EEA1: variants seen among roughly 807,000 people sequenced by gnomAD.
EEA1 encodes early endosome antigen 1.
EEA1 carries 111 observed loss-of-function variants against 209.2 expected under a neutral mutation model. That is an observed-to-expected ratio of 0.53 (90% confidence interval 0.45 to 0.62). The LOEUF (loss-of-function observed/expected upper bound fraction) is 0.62. EEA1 is among the 20% of genes least tolerant of loss of function. The pLI is 0.00. For synonymous variants in EEA1, 536 were observed against 540.6 expected, an observed-to-expected ratio of 0.99 and a Z score of 0.12; for missense variants, 1,343 against 1,530.8, an observed-to-expected ratio of 0.88 and a Z score of 2.05.
intron 2 of EEA1, among the ~76,000 whole-genome samples, chr12:92,888,032 GGAGTA>G (rs1879485987): frequency 6.6e-6 from 1 of 152,048 alleles, no homozygotes; most frequent in African/African-American, 2.4e-5. Flanking sequence ...AACAACCACA[GGAGTA>G]GAGAAAAGGA....
chr12:92,825,411 G>A (rs1054795609), intron 13 of EEA1, among the ~76,000 whole-genome samples: 4 of 150,340 alleles, frequency 2.7e-5, no homozygotes, highest in Admixed American at 2.0e-4. Context: ...CCGAGATAGC[G>A]CCACTGCACT....
chr12:92,776,562 A>G (rs937508212), intron 28 of EEA1, among the ~76,000 whole-genome samples: 8 of 151,894 alleles, frequency 5.3e-5, no homozygotes, highest in South Asian at 2.1e-4. Context: ...AAAGAACCCA[A>G]TGATTACTAA....
chr12:92,904,134 T>C (rs1356722987), intron 1 of EEA1, among the ~76,000 whole-genome samples: 1 of 152,082 alleles, frequency 6.6e-6, no homozygotes, highest in Non-Finnish European at 1.5e-5. Flanking sequence ...GCTAATTTTG[T>C]ATTTTTAGTA....
At chr12:92,868,178 G>A (rs531648665) in intron 2 of EEA1, among the ~76,000 whole-genome samples, 1 of 152,282 alleles carries the variant, frequency 6.6e-6, no homozygotes, top group South Asian at 2.1e-4. Context: ...TTAGGCTCCA[G>A]AGATATGGTA....
At chr12:92,834,757 T>C (rs1876836330) in intron 10 of EEA1, among the ~76,000 whole-genome samples, 1 of 152,188 alleles carries the variant, frequency 6.6e-6, no homozygotes, top group Admixed American at 6.5e-5. Flanking sequence ...AAAATTATCT[T>C]TTTATAAACA....
At chr12:92,847,116 G>A (rs772232703) in intron 9 of EEA1, among the ~76,000 whole-genome samples, 17 of 151,754 alleles carry the variant, frequency 1.1e-4, no homozygotes, top group South Asian at 2.1e-4. Flanking sequence ...CCACACACCC[G>A]GCTAATTTTT....
At chr12:92,880,643 T>C (rs1879097673) in intron 2 of EEA1, among the ~76,000 whole-genome samples, 1 of 152,006 alleles carries the variant, frequency 6.6e-6, no homozygotes, top group Admixed American at 6.6e-5. Context: ...CTCGGCTAAT[T>C]TTTTTGTATT....
chr12:92,801,787 C>A, intron 19 of EEA1, 86 bp from the exon 20 acceptor site: 2 of 853,500 alleles, frequency 2.3e-6, no homozygotes, highest in South Asian at 2.6e-5. Context: ...AAGATACACA[C>A]GAAGAAATAA....
chr12:92,812,695 C>T (rs779499728), intron 16 of EEA1, among the ~76,000 whole-genome samples: 3 of 152,136 alleles, frequency 2.0e-5, no homozygotes, highest in Admixed American at 6.5e-5. Flanking sequence ...TAGGAGGAAA[C>T]ATTACTGCTC....
At chr12:92,824,505 G>C (rs1876203051) in intron 13 of EEA1, among the ~76,000 whole-genome samples, 2 of 152,128 alleles carry the variant, frequency 1.3e-5, no homozygotes, top group African/African-American at 2.4e-5. Context: ...GATCTCCTGT[G>C]AGCTCTATGA....
At chr12:92,851,364 A>G in intron 8 of EEA1, 98 bp from the exon 9 acceptor site, 2 of 1,188,668 alleles carry the variant, frequency 1.7e-6, no homozygotes, top group Non-Finnish European at 1.2e-6. Flanking sequence ...AAAGGGAAAC[A>G]ATCATCAATA....
chr12:92,876,057 CT>C (rs1832549857), intron 2 of EEA1, among the ~76,000 whole-genome samples: 1 of 151,742 alleles, frequency 6.6e-6, no homozygotes. Context: ...CACCAACTGT[CT>C]AACTTGATAC....
intron 21 of EEA1, among the ~76,000 whole-genome samples, chr12:92,794,748 G>A (rs1223796627): frequency 6.6e-6 from 1 of 151,244 alleles, no homozygotes; most frequent in Non-Finnish European, 1.5e-5. Flanking sequence ...GGGGGCTGGG[G>A]GAGGGATATC....
chr12:92,779,199 C>T lies in EEA1; in HGVS notation c.3570G>A (p.Lys1190=). The change falls in exon 25 of 29, where the codon AAG becomes AAA. Residue 1190 remains lysine, a synonymous_variant. Coordinates refer to ENST00000322349, the MANE Select transcript of EEA1 (RefSeq NM_003566.4). ...DSLKAAVEQE[K]RNQQILKDQV... is the part of the protein sequence containing the mutation. ...GGTCTTTTAGTATCTGCTGATTTCT[C>T]TTCTCCTGTTCAACAGCTGCCTTCA... The T allele has an allele frequency of 6.2e-7, 1 of 1,611,894 alleles. No homozygotes were observed. The highest frequency in any genetic ancestry group is 8.5e-7 in the Non-Finnish European group (1 of 1,179,312).
intron 2 of EEA1, chr12:92,879,479 T>C (rs1879047709): frequency 3.1e-6 from 1 of 326,778 alleles, no homozygotes; most frequent in South Asian, 2.4e-5. Context: ...GAGAAAATCA[T>C]ATTATCATCT....
At chr12:92,884,571 A>C (rs1296192047) in intron 2 of EEA1, 8 of 1,483,716 alleles carry the variant, frequency 5.4e-6, no homozygotes, top group Non-Finnish European at 4.6e-6. Context: ...GGACCCATGA[A>C]GGGAGGAAAC....
At chr12:92,891,775 A>T (rs1051078786) in intron 1 of EEA1, 54 bp from the exon 2 acceptor site, 21 of 1,257,430 alleles carry the variant, frequency 1.7e-5, no homozygotes, top group Non-Finnish European at 2.4e-5. Flanking sequence ...TTAACAATAT[A>T]TTCATCGGCC....
At chr12:92,904,391 C>T (rs571029437) in intron 1 of EEA1, among the ~76,000 whole-genome samples, 1 of 152,352 alleles carries the variant, frequency 6.6e-6, no homozygotes, top group South Asian at 2.1e-4. Context: ...AAACCAGCTA[C>T]AACAAAACTA....
At chr12:92,911,745 A>C (rs546974828) in intron 1 of EEA1, among the ~76,000 whole-genome samples, 1 of 152,342 alleles carries the variant, frequency 6.6e-6, no homozygotes, top group Non-Finnish European at 1.5e-5. Flanking sequence ...CAGGAAGTAC[A>C]TGGGAAATCT....
Sources: allele counts gnomAD v4.1 joint callset (sites outside exome capture counted in the v4.1 genomes callset), GRCh38; gene constraint gnomAD v4.1.1; transcripts MANE v1.5; gene names NCBI Gene and HGNC (gene_info 2026-07-23, HGNC 2026-07-21).